Variants in FUBP1 observed in about 807,000 individuals in gnomAD.
The protein encoded by FUBP1 is far upstream element binding protein 1.
Under a neutral mutation model 94.9 loss-of-function variants are expected in FUBP1, and 16 were observed. The ratio of observed to expected loss-of-function variants is 0.17; its 90% confidence interval spans 0.11 to 0.26. The LOEUF is 0.26. FUBP1 is among the 10% of genes least tolerant of loss of function. The pLI is 1.00. For synonymous variants in FUBP1, 279 were observed against 254.9 expected, an observed-to-expected ratio of 1.09 and a Z score of -0.90; for missense variants, 583 against 808.6, an observed-to-expected ratio of 0.72 and a Z score of 3.38.
intron 7 of FUBP1, among the ~76,000 whole-genome samples, chr1:77,965,921 C>T (rs893231364): frequency 3.3e-5 from 5 of 152,134 alleles, no homozygotes; most frequent in African/African-American, 1.2e-4. Context: ...TGGTGGCATG[C>T]ACCGGTAGTC....
At chr1:77,953,065 A>C (rs1298524844) in intron 18 of FUBP1, among the ~76,000 whole-genome samples, 2 of 150,236 alleles carry the variant, frequency 1.3e-5, no homozygotes, top group African/African-American at 2.5e-5. Flanking sequence ...GAACCCAGGA[A>C]GCAGAGGTTG....
intron 16 of FUBP1, 101 bp downstream of exon 16, chr1:77,960,083 A>C: frequency 1.2e-6 from 1 of 805,212 alleles, no homozygotes; most frequent in Non-Finnish European, 2.1e-6. Flanking sequence ...AAAGTGAGTG[A>C]AGGTGATGCA....
upstream of FUBP1, chr1:77,979,107 G>T: frequency 8.4e-7 from 1 of 1,189,940 alleles, no homozygotes; most frequent in Non-Finnish European, 1.2e-6. Context: ...TTACATTCTT[G>T]CGCGACCATC....
chr1:77,963,805 C>T (rs1655977107), intron 12 of FUBP1, 90 bp from the exon 13 acceptor site: 1 of 1,058,318 alleles, frequency 9.4e-7, no homozygotes, highest in African/African-American at 1.6e-5. Context: ...TCCCAGCTCT[C>T]ATATACCTGA....
intron 16 of FUBP1, 117 bp downstream of exon 16, chr1:77,960,067 A>G (rs1041359616): frequency 6.8e-6 from 5 of 730,284 alleles, no homozygotes; most frequent in Non-Finnish European, 1.2e-5. Context: ...ACACTGTTGA[A>G]AGAGTAAAGT....
intron 2 of FUBP1, chr1:77,969,051 T>C: frequency 1.6e-6 from 2 of 1,288,786 alleles, no homozygotes; most frequent in South Asian, 1.2e-5. Flanking sequence ...TCCCTCCCAG[T>C]GTGTTGTACT....
chr1:77,972,778 A>G (rs1185742126), intron 1 of FUBP1, among the ~76,000 whole-genome samples: 1 of 151,632 alleles, frequency 6.6e-6, no homozygotes, highest in African/African-American at 2.4e-5. Context: ...GAAAAAAAGA[A>G]AAGAAAAGAA....
chr1:77,950,547 G>A (rs909723604), intron 18 of FUBP1, among the ~76,000 whole-genome samples: 3 of 152,084 alleles, frequency 2.0e-5, no homozygotes, highest in African/African-American at 4.8e-5. Flanking sequence ...AGCGCATACA[G>A]CAAACTTTTA....
chr1:77,968,160 CT>C lies in FUBP1; in HGVS notation c.250+4del. On this transcript the variant is annotated splice_donor_region_variant and intron_variant, in intron 3 of 19. Transcript: ENST00000370768. The stretch of plus-strand genomic sequence containing the variant: ...CTTTTGACCCAGTTTAAAAGGAATA[CT>C]TACAGTCATTTTGAGGAGCAACTTT... 6.6e-7 allele frequency: 1 copy of C among 1,514,330 alleles called. No homozygotes were observed. Among genetic ancestry groups the C allele is most frequent in the Non-Finnish European group, 8.9e-7 (1 of 1,128,496 alleles). 93.8% of individuals were successfully genotyped at this position (1,514,330 alleles called of 1,614,324 possible).
chr1:77,967,257 A>C (rs1656680504), intron 4 of FUBP1, among the ~76,000 whole-genome samples, 156 bp from the exon 5 acceptor site: 1 of 152,222 alleles, frequency 6.6e-6, no homozygotes, highest in African/African-American at 2.4e-5. Flanking sequence ...TGATCTTATT[A>C]CTTGAGTAGT....
intron 2 of FUBP1, chr1:77,969,197 G>C: frequency 3.3e-6 from 1 of 304,894 alleles, no homozygotes; most frequent in Non-Finnish European, 7.0e-6. Flanking sequence ...TAAATAAAAG[G>C]AAACCAAGTT....
chr1:77,949,698 G>T (rs959827466), intron 18 of FUBP1, among the ~76,000 whole-genome samples: 13 of 152,074 alleles, frequency 8.5e-5, no homozygotes, highest in Non-Finnish European at 1.9e-4. Context: ...CTTTAGCTAA[G>T]GAAGGTAAAG....
chr1:77,971,611 T>C (rs1185046063), intron 1 of FUBP1, among the ~76,000 whole-genome samples: 1 of 152,118 alleles, frequency 6.6e-6, no homozygotes, highest in Non-Finnish European at 1.5e-5. Context: ...ACCAACTGTA[T>C]TTCCTAGGAC....
At position 77,966,973 on chromosome 1, in the gene FUBP1, AATT is replaced by A; in HGVS notation, c.344-21_344-19del. The A allele has an allele frequency of 6.3e-7, 1 of 1,581,362 alleles. No homozygotes were observed. The highest frequency in any genetic ancestry group is 1.1e-5 in the South Asian group (1 of 88,214). On this transcript the variant is annotated intron_variant, in intron 5 of 19. Transcript: ENST00000370768. ...GCCAATTACTAGTTAGAAAAAAAAAAATTTTTTTTTTGGTTGAAAGATTCTAAA... is the reference window on the plus strand; with the variant it reads ...GCCAATTACTAGTTAGAAAAAAAAAATTTTTTTTGGTTGAAAGATTCTAAA...
At chr1:77,967,173 T>C (rs1656663659) in intron 4 of FUBP1, 72 bp from the exon 5 acceptor site, 2 of 1,005,484 alleles carry the variant, frequency 2.0e-6, no homozygotes, top group East Asian at 2.5e-5. Flanking sequence ...GATAATCTAT[T>C]AATAAAAATG....
rs1442633263 is a variant in FUBP1 at position 77,949,282 on chromosome 1, G to C, written c.1799C>G (p.Pro600Arg). The C allele has an allele frequency of 2.5e-6, 4 of 1,613,514 alleles. No homozygotes were observed. Among genetic ancestry groups the C allele is most frequent in the Non-Finnish European group, 3.4e-6 (4 of 1,179,586 alleles). ...YKKMGQAVPA[P>R]TGAPPGGQPD... ...CTGACCACCTGGAGGAGCCCCAGTC[G>C]GAGCAGGAACTGCCTGACCTTTGAA... The change falls in exon 19 of 20, where the codon CCG (proline) becomes CGG (arginine). Residue 600 changes from proline (P) to arginine (R), a missense_variant. By Grantham distance (103) the Pro-to-Arg change is moderately radical. Transcript: ENST00000370768.
chr1:77,948,199 T>C lies in FUBP1; in HGVS notation c.*567A>G. On this transcript the variant is annotated 3_prime_UTR_variant, in exon 20 of 20. Coordinates refer to ENST00000370768, the MANE Select transcript of FUBP1 (RefSeq NM_003902.5). ...AGGAAAAAAAATGAAGATATCAGGA[T>C]TACTTGTGCTGAAAGAGCCAATACA... 1 of 1,048,612 alleles carries C rather than the reference T, an allele frequency of 9.5e-7. No individual in the cohort carries two copies. The highest frequency in any genetic ancestry group is 1.2e-6 in the Non-Finnish European group (1 of 868,304). The allele number at this position is 1,048,612 out of a possible 1,614,324, so 65.0% of individuals were successfully genotyped here.
At chr1:77,951,368 T>C (rs144191509) in intron 18 of FUBP1, among the ~76,000 whole-genome samples, 3 of 152,338 alleles carry the variant, frequency 2.0e-5, no homozygotes, top group South Asian at 4.1e-4. Flanking sequence ...GGTAAATAAG[T>C]TGGTAATATT....
At chr1:77,950,539 C>T (rs1176080369) in intron 18 of FUBP1, among the ~76,000 whole-genome samples, 1 of 152,072 alleles carries the variant, frequency 6.6e-6, no homozygotes, top group Admixed American at 6.6e-5. Context: ...ACATATAAAG[C>T]GCATACAGCA....
Sources: allele counts gnomAD v4.1 joint callset (sites outside exome capture counted in the v4.1 genomes callset), GRCh38; gene constraint gnomAD v4.1.1; transcripts MANE v1.5; gene names NCBI Gene and HGNC (gene_info 2026-07-23, HGNC 2026-07-21).